The following GPAT4 variants were observed in gnomAD, a reference collection of about 807,000 sequenced individuals.
GPAT4 encodes 1-AGP acyltransferase 6.
In GPAT4, 17 loss-of-function variants were observed where a neutral mutation model predicts 58.0. The observed-to-expected ratio is 0.29, with a 90% CI of 0.20 to 0.44. The LOEUF (loss-of-function observed/expected upper bound fraction) is 0.44. GPAT4 is among the 20% of genes least tolerant of loss of function. The pLI, the probability that GPAT4 is intolerant of heterozygous loss-of-function variation, is 1.00. For synonymous variants in GPAT4, 204 were observed against 210.1 expected (o/e 0.97, Z 0.25); for missense variants, 377 against 574.5 (o/e 0.66, Z 3.51).
At chr8:41,618,485 G>A in intron 10 of GPAT4, 199 bp from the exon 11 acceptor site, 1 of 656,122 alleles carries the variant, frequency 1.5e-6, no homozygotes, top group Non-Finnish European at 2.6e-6. Flanking sequence ...GCAGAGGCCG[G>A]GTTCCTCGGG....
intron 1 of GPAT4, among the ~76,000 whole-genome samples, chr8:41,589,124 T>C (rs11786289): frequency 0.55 from 84,342 of 152,054 alleles, 24,007 homozygotes; most frequent in Middle Eastern, 0.71. Context: ...TTGATATTTC[T>C]AGACATCAAA....
chr8:41,583,805 T>G (rs1340525232), intron 1 of GPAT4, among the ~76,000 whole-genome samples: 2 of 152,208 alleles, frequency 1.3e-5, no homozygotes, highest in African/African-American at 4.8e-5. Flanking sequence ...TCTTTCATGT[T>G]TTAGTGATTT....
intron 2 of GPAT4, among the ~76,000 whole-genome samples, chr8:41,602,526 C>G (rs1450804686): frequency 6.6e-6 from 1 of 152,020 alleles, no homozygotes; most frequent in Non-Finnish European, 1.5e-5. Flanking sequence ...TTTTTTCACC[C>G]TCTGTTACTG....
chr8:41,597,641 C>CA (rs968208283), intron 1 of GPAT4, among the ~76,000 whole-genome samples: 14 of 147,310 alleles, frequency 9.5e-5, no homozygotes, highest in African/African-American at 2.2e-4. Flanking sequence ...CAACATTATA[C>CA]AAAAAAAAAA....
At chr8:41,596,874 C>T (rs758670179) in intron 1 of GPAT4, among the ~76,000 whole-genome samples, 18 of 152,168 alleles carry the variant, frequency 1.2e-4, no homozygotes, top group Non-Finnish European at 2.1e-4. Context: ...AACCGAGCTC[C>T]CCGAGTAAGC....
At chr8:41,591,518 A>T (rs553699860) in intron 1 of GPAT4, among the ~76,000 whole-genome samples, 5 of 152,344 alleles carry the variant, frequency 3.3e-5, no homozygotes, top group African/African-American at 1.2e-4. Context: ...TGCAAGACAG[A>T]TCGATAGTGA....
At chr8:41,595,721 CTT>C (rs1203783374) in intron 1 of GPAT4, among the ~76,000 whole-genome samples, 1 of 152,102 alleles carries the variant, frequency 6.6e-6, no homozygotes, top group Admixed American at 6.5e-5. Context: ...CTTTCTCTCT[CTT>C]TGACTTTTCC....
rs1803788700 is a variant in GPAT4, at chr8:41,622,636, G to T, written c.*1635G>T. 6.6e-6 allele frequency: 1 copy of T among 152,356 alleles called. No homozygotes were observed. The highest frequency in any genetic ancestry group is 1.5e-5 in the Non-Finnish European group (1 of 68,144). The allele number at this position is 152,356 out of a possible 1,614,324, so 9.4% of individuals were successfully genotyped here. On this transcript the variant is annotated 3_prime_UTR_variant, in exon 13 of 13. Coordinates refer to ENST00000396987, the MANE Select transcript of GPAT4 (RefSeq NM_178819.4). ...AGGGAGTGGGTGGGAGTGAAGCTGT[G>T]CTCCTGGGGCTGCAGACAGATCCAC... is the stretch of plus-strand genomic sequence containing the variant.
At position 41,595,357 on chromosome 8, in the gene GPAT4, T is replaced by G. The variant is rs546126497; in HGVS notation, c.-848-2935T>G. Among the ~76,000 whole-genome samples, 3 of 142,812 alleles carry G rather than the reference T, an allele frequency of 2.1e-5. No individual in the cohort carries two copies. The South Asian group carries it at 6.6e-4, about 31-fold the overall frequency. 93.7% of individuals were successfully genotyped at this position (142,812 alleles called of 152,430 possible). ...TTTTTTTTTTTTTTTTTTTTTTACT[T>G]AGGATATTTCTGAACTGGTGAGGTA... On this transcript the variant is annotated intron_variant, in intron 1 of 12. Coordinates refer to ENST00000396987, the MANE Select transcript of GPAT4 (RefSeq NM_178819.4).
intron 1 of GPAT4, chr8:41,584,903 T>C (rs937517235): frequency 6.6e-6 from 1 of 152,302 alleles, no homozygotes; most frequent in African/African-American, 2.4e-5. Flanking sequence ...AACCTGACCA[T>C]GTTCTGTCTT....
At chr8:41,591,936 G>T (rs1802799852) in intron 1 of GPAT4, among the ~76,000 whole-genome samples, 1 of 152,188 alleles carries the variant, frequency 6.6e-6, no homozygotes, top group Admixed American at 6.5e-5. Context: ...AATAGTCAAG[G>T]CTCTGCCAGT....
chr8:41,595,938 A>C (rs1390108076), intron 1 of GPAT4, among the ~76,000 whole-genome samples: 1 of 151,548 alleles, frequency 6.6e-6, no homozygotes, highest in African/African-American at 2.4e-5. Flanking sequence ...GGGGGGTGTG[A>C]TCTAAAACCA....
At chr8:41,582,009 T>G (rs1355469648) in intron 1 of GPAT4, among the ~76,000 whole-genome samples, 1 of 129,650 alleles carries the variant, frequency 7.7e-6, no homozygotes, top group Non-Finnish European at 1.6e-5. Context: ...TTTTTTTTTT[T>G]TTTTTTTTTT....
In GPAT4 at chr8:41,622,144, G is replaced by A. The variant is rs892440076; in HGVS notation, c.*1143G>A. The A allele has an allele frequency of 6.6e-5, 10 of 152,134 alleles. No individual in the cohort carries two copies. The highest frequency in any genetic ancestry group is 1.7e-4 in the African/African-American group (7 of 41,432). The allele number at this position is 152,134 out of a possible 1,614,324, so 9.4% of individuals were successfully genotyped here. A position where few individuals can be genotyped will look rare whatever the true frequency, so the allele number is the denominator to read the frequency against. On this transcript the variant is annotated 3_prime_UTR_variant, in exon 13 of 13. Transcript: ENST00000396987. The stretch of plus-strand genomic sequence containing the variant: ...CACAGACGTGGATTTCTCCAGAGAC[G>A]GGGTGTGTGCGGGTCGCTGATGTGA...
intron 2 of GPAT4, among the ~76,000 whole-genome samples, chr8:41,605,485 G>C (rs1803233143): frequency 6.6e-6 from 1 of 152,254 alleles, no homozygotes; most frequent in South Asian, 2.1e-4. Context: ...ACGGCGCATG[G>C]AGGGAATGAG....
intron 1 of GPAT4, among the ~76,000 whole-genome samples, chr8:41,592,246 A>G (rs955800182): frequency 6.6e-6 from 1 of 152,142 alleles, no homozygotes; most frequent in Non-Finnish European, 1.5e-5. Context: ...AATTTGGCTT[A>G]AGCTCTATGC....
At chr8:41,583,264 C>G (rs1004389638) in intron 1 of GPAT4, among the ~76,000 whole-genome samples, 1 of 151,700 alleles carries the variant, frequency 6.6e-6, no homozygotes, top group Admixed American at 6.6e-5. Flanking sequence ...AAATTGGTAA[C>G]TATAGTCATC....
At chr8:41,580,527 C>A (rs1397479209) in intron 1 of GPAT4, among the ~76,000 whole-genome samples, 2 of 152,172 alleles carry the variant, frequency 1.3e-5, no homozygotes, top group African/African-American at 4.8e-5. Context: ...AAATTCAGTA[C>A]TTATTCCTCA....
intron 10 of GPAT4, among the ~76,000 whole-genome samples, chr8:41,615,661 C>T (rs942882676): frequency 4.6e-5 from 7 of 152,198 alleles, no homozygotes; most frequent in African/African-American, 1.4e-4. Context: ...CATTGTTCCT[C>T]CCCGCTCTTA....
Sources: gnomAD v4.1 joint callset for allele counts (sites outside exome capture counted in the v4.1 genomes callset) on GRCh38, gnomAD v4.1.1 for gene constraint, MANE v1.5 for transcripts, NCBI Gene and HGNC (gene_info 2026-07-23, HGNC 2026-07-21) for gene names.